EFR3A: variants seen among roughly 807,000 people sequenced by gnomAD.
EFR3A encodes EFR3 homolog A.
In EFR3A, 76 loss-of-function variants were observed where a neutral mutation model predicts 104.4. The observed-to-expected ratio is 0.73, with a 90% confidence interval of 0.60 to 0.88. EFR3A has a LOEUF of 0.88. Ranked by LOEUF, EFR3A falls within the 40% of genes least tolerant of loss-of-function variation. The pLI is 0.00. For missense variants in EFR3A, 985 were observed against 1,012.5 expected (o/e 0.97, Z 0.37); for synonymous variants, 330 against 330.0 (o/e 1.00, Z 0.00).
At chr8:131,983,383 T>G (rs538974390) in intron 14 of EFR3A, among the ~76,000 whole-genome samples, 1 of 152,210 alleles carries the variant, frequency 6.6e-6, no homozygotes, top group Middle Eastern at 3.4e-3. Flanking sequence ...AGTTGTCCAG[T>G]GATTCCAGCG....
chr8:131,986,173 C>T (rs769606381), intron 16 of EFR3A, 21 bp from the exon 17 acceptor site: 8 of 1,449,438 alleles, frequency 5.5e-6, no homozygotes, highest in Admixed American at 1.8e-5. Flanking sequence ...GATTTTTGTT[C>T]TGTTTTTGAA....
chr8:131,942,902 T>C (rs1186982975), intron 2 of EFR3A, among the ~76,000 whole-genome samples: 1 of 152,096 alleles, frequency 6.6e-6, no homozygotes, highest in Non-Finnish European at 1.5e-5. Context: ...TATGATTCTA[T>C]TTATGTCAGA....
intron 1 of EFR3A, chr8:131,938,217 G>A: frequency 2.5e-6 from 1 of 397,740 alleles, no homozygotes; most frequent in Non-Finnish European, 4.4e-6. Flanking sequence ...AAAATAGTCT[G>A]ATACAACATG....
At position 131,978,848 on chromosome 8, in the gene EFR3A, T is replaced by C. The variant is rs573541853; in HGVS notation, c.1328T>C (p.Val443Ala). Residue 443 changes from valine to alanine, a missense_variant and splice_region_variant, in exon 13 of 23, where the codon GTG becomes GCG. Transcript: ENST00000254624. ...GTTTGTTTTCTTCTCGATAATCAGG[T>C]GACCTCTGGATATAAAGCGAAGACG... ...QIMLLRSLLMVTSGYKAKTIV... is the reference protein window; with the variant it reads ...QIMLLRSLLMATSGYKAKTIV... 4 of 1,555,556 alleles carry C rather than the reference T, an allele frequency of 2.6e-6. No individual in the cohort carries two copies. The highest frequency in any genetic ancestry group is 3.5e-6 in the Non-Finnish European group (4 of 1,153,484).
chr8:131,968,266 A>T (rs1404219775), intron 8 of EFR3A, 29 bp from the exon 9 acceptor site: 1 of 1,597,390 alleles, frequency 6.3e-7, no homozygotes, highest in Non-Finnish European at 8.5e-7. Context: ...TACTTTTTAT[A>T]CATCTTTGTA....
intron 2 of EFR3A, among the ~76,000 whole-genome samples, chr8:131,943,525 A>C (rs1818266013): frequency 6.6e-6 from 1 of 152,096 alleles, no homozygotes; most frequent in African/African-American, 2.4e-5. Context: ...GCCAGAGCAG[A>C]GGCAAACCAA....
At chr8:131,904,725 G>A (rs111272444) in intron 1 of EFR3A, among the ~76,000 whole-genome samples, 34,241 of 152,108 alleles carry the variant, frequency 0.23, 4,010 homozygotes, top group East Asian at 0.34. Flanking sequence ...TAGTGGACGC[G>A]CCGGCCCCGA....
intron 1 of EFR3A, among the ~76,000 whole-genome samples, chr8:131,905,844 A>T (rs1563802680): frequency 6.6e-6 from 1 of 152,246 alleles, no homozygotes; most frequent in African/African-American, 2.4e-5. Flanking sequence ...TATTGGTAAC[A>T]TGCCAGAATT....
chr8:131,953,682 C>A, intron 5 of EFR3A, 136 bp from the exon 6 acceptor site: 1 of 869,882 alleles, frequency 1.1e-6, no homozygotes, highest in Non-Finnish European at 1.6e-6. Context: ...CTTTCTTAGA[C>A]TTGTGTGTTA....
intron 8 of EFR3A, among the ~76,000 whole-genome samples, chr8:131,966,141 C>T (rs1819712912): frequency 6.6e-6 from 1 of 152,224 alleles, no homozygotes; most frequent in South Asian, 2.1e-4. Context: ...AGCACACCAA[C>T]ATGGCACATG....
At chr8:131,975,286 A>G (rs1475496195) in intron 10 of EFR3A, among the ~76,000 whole-genome samples, 2 of 152,170 alleles carry the variant, frequency 1.3e-5, no homozygotes, top group Non-Finnish European at 2.9e-5. Context: ...GTAGTGACTA[A>G]TTATTAACTT....
rs1820487475 is a variant in EFR3A at position 131,979,396 on chromosome 8, G to T, written c.1550G>T (p.Arg517Ile). Reference protein sequence around the residue: ...DLKIKREKICRQDTSFMKKNG... With the variant: ...DLKIKREKICIQDTSFMKKNG... The stretch of plus-strand genomic sequence containing the variant: ...AAGATAAAAAGAGAAAAAATTTGCA[G>T]ACAAGACACAAGTTTCATGAAAAAG... Residue 517 changes from arginine (R) to isoleucine (I), a missense_variant, in exon 14 of 23, where the codon AGA (arginine) becomes ATA (isoleucine). Coordinates refer to ENST00000254624, the MANE Select transcript of EFR3A (RefSeq NM_015137.6). 1 of 1,565,902 alleles carries T rather than the reference G, an allele frequency of 6.4e-7. No homozygotes were observed. Among genetic ancestry groups the T allele is most frequent in the East Asian group, 2.4e-5 (1 of 42,508 alleles).
chr8:131,911,431 A>G (rs989859775), intron 1 of EFR3A, among the ~76,000 whole-genome samples: 12 of 152,220 alleles, frequency 7.9e-5, no homozygotes, highest in African/African-American at 2.9e-4. Flanking sequence ...CAGGATCACC[A>G]GAGAAGGAAC....
chr8:131,905,537 C>T (rs976861892), intron 1 of EFR3A, among the ~76,000 whole-genome samples: 7 of 152,156 alleles, frequency 4.6e-5, no homozygotes, highest in Non-Finnish European at 7.3e-5. Context: ...ACTCCTCATA[C>T]ATGTGTGGGT....
chr8:131,904,997 G>A (rs921526371), intron 1 of EFR3A, among the ~76,000 whole-genome samples: 7 of 152,220 alleles, frequency 4.6e-5, no homozygotes, highest in Admixed American at 1.3e-4. Flanking sequence ...GGTTACCAAG[G>A]CACCCCAAAG....
In EFR3A at chr8:131,943,410, A is replaced by G. The variant is rs142890859; in HGVS notation, c.88-1335A>G. Among the ~76,000 whole-genome samples the G allele has an allele frequency of 1.6e-4, 25 of 152,140 alleles. No homozygotes were observed. In the East Asian group the frequency reaches 3.3e-3, roughly 20 times the overall value. Reference sequence around the variant, plus strand: ...ATAGGAGAGACACAATTTTATTTCAATGATGATGTGGAGGAACTGATACAG... The same window carrying G: ...ATAGGAGAGACACAATTTTATTTCAGTGATGATGTGGAGGAACTGATACAG... On this transcript the variant is annotated intron_variant, in intron 2 of 22. Coordinates refer to ENST00000254624, the MANE Select transcript of EFR3A (RefSeq NM_015137.6).
intron 1 of EFR3A, among the ~76,000 whole-genome samples, chr8:131,908,153 C>G (rs540547656): frequency 6.6e-6 from 1 of 151,846 alleles, no homozygotes; most frequent in Non-Finnish European, 1.5e-5. Context: ...CTCCAAATCC[C>G]GGGTTCAAGC....
At chr8:131,925,927 C>A (rs964180802) in intron 1 of EFR3A, among the ~76,000 whole-genome samples, 18 of 151,964 alleles carry the variant, frequency 1.2e-4, no homozygotes, top group Non-Finnish European at 2.4e-4. Flanking sequence ...TGTTGGTATT[C>A]ATTGTGGCTA....
At chr8:131,909,715 CAG>C (rs989487584) in intron 1 of EFR3A, among the ~76,000 whole-genome samples, 17 of 152,136 alleles carry the variant, frequency 1.1e-4, no homozygotes, top group African/African-American at 2.7e-4. Flanking sequence ...TTAGGGGTAA[CAG>C]GGGCTGTCCT....
Sources: allele counts gnomAD v4.1 joint callset (sites outside exome capture counted in the v4.1 genomes callset), GRCh38; gene constraint gnomAD v4.1.1; transcripts MANE v1.5; gene names NCBI Gene and HGNC (gene_info 2026-07-23, HGNC 2026-07-21).